LRRC3B: variants seen among roughly 807,000 people sequenced by gnomAD.
LRRC3B encodes the protein leucine rich repeat containing 3B.
Under a neutral mutation model 12.8 loss-of-function variants are expected in LRRC3B, and 2 were observed. That is an observed-to-expected ratio of 0.16 (90% CI 0.06 to 0.49). The LOEUF is 0.49. LRRC3B is among the 20% of genes least tolerant of loss of function. The pLI, the probability that LRRC3B is intolerant of heterozygous loss-of-function variation, is 0.96. For synonymous variants in LRRC3B, 132 were observed against 122.0 expected (o/e 1.08, Z -0.54); for missense variants, 189 against 319.4 (o/e 0.59, Z 3.11).
intron 1 of LRRC3B, among the ~76,000 whole-genome samples, chr3:26,659,121 A>G (rs1380011076): frequency 6.6e-6 from 1 of 152,222 alleles, no homozygotes; most frequent in Admixed American, 6.5e-5. Flanking sequence ...TAACAGCCAT[A>G]TGTATGCTGC....
At chr3:26,653,615 A>G (rs1350275296) in intron 1 of LRRC3B, among the ~76,000 whole-genome samples, 6 of 152,190 alleles carry the variant, frequency 3.9e-5, no homozygotes, top group Non-Finnish European at 8.8e-5. Context: ...CCTTTAAAAA[A>G]CAGTAAGATA....
intron 1 of LRRC3B, among the ~76,000 whole-genome samples, chr3:26,671,348 G>GTGTA (rs1553603716): frequency 1.5e-5 from 1 of 66,344 alleles, no homozygotes; most frequent in Non-Finnish European, 2.7e-5. Context: ...GTATATATGT[G>GTGTA]TGTATATATA....
At chr3:26,685,517 CTCTCTCTA>C (rs1489921335) in intron 1 of LRRC3B, among the ~76,000 whole-genome samples, 90 of 53,494 alleles carry the variant, frequency 1.7e-3, no homozygotes, top group Admixed American at 8.6e-3. Flanking sequence ...CTCTCTCTCT[CTCTCTCTA>C]TATATATATA....
intron 1 of LRRC3B, among the ~76,000 whole-genome samples, chr3:26,653,254 A>G (rs936386900): frequency 2.0e-5 from 3 of 152,196 alleles, no homozygotes; most frequent in African/African-American, 7.2e-5. Flanking sequence ...AATGAAAGGA[A>G]AATGACTTGC....
At chr3:26,665,159 A>C (rs1222837052) in intron 1 of LRRC3B, among the ~76,000 whole-genome samples, 1 of 152,044 alleles carries the variant, frequency 6.6e-6, no homozygotes, top group Admixed American at 6.6e-5. Context: ...TGGGCAGAGC[A>C]TCCACAGCAT....
At chr3:26,690,479 C>T (rs1700167891) in intron 1 of LRRC3B, among the ~76,000 whole-genome samples, 1 of 152,162 alleles carries the variant, frequency 6.6e-6, no homozygotes, top group Non-Finnish European at 1.5e-5. Context: ...AGTCTTACTG[C>T]ATCGTGCAGA....
At chr3:26,709,917 A>C (rs1244259247) in exon 2 of LRRC3B, 1 of 1,613,996 alleles carries the variant, frequency 6.2e-7, no homozygotes, top group African/African-American at 1.3e-5. Flanking sequence ...ATTCCCAATG[A>C]AATTTTTAAG....
chr3:26,683,674 C>T (rs1003532323), intron 1 of LRRC3B, among the ~76,000 whole-genome samples: 4 of 152,190 alleles, frequency 2.6e-5, no homozygotes, highest in African/African-American at 9.7e-5. Flanking sequence ...AGAAATACTA[C>T]TTTCTCAAAG....
chr3:26,640,445 C>T (rs369925441), intron 1 of LRRC3B, among the ~76,000 whole-genome samples: 1 of 132,098 alleles, frequency 7.6e-6, no homozygotes, highest in East Asian at 2.5e-4. Context: ...AAAAAAAACC[C>T]AAAAAACAAA....
At chr3:26,699,178 A>G (rs903788038) in intron 1 of LRRC3B, among the ~76,000 whole-genome samples, 19 of 152,170 alleles carry the variant, frequency 1.2e-4, no homozygotes, top group African/African-American at 4.1e-4. Flanking sequence ...ATTGGCATGA[A>G]TACTGTATGT....
At chr3:26,653,949 A>G (rs1232142256) in intron 1 of LRRC3B, among the ~76,000 whole-genome samples, 1 of 149,476 alleles carries the variant, frequency 6.7e-6, no homozygotes, top group Non-Finnish European at 1.5e-5. Context: ...ACCTGGTGGC[A>G]CCAGATGGCT....
intron 1 of LRRC3B, among the ~76,000 whole-genome samples, chr3:26,641,862 C>T (rs958041330): frequency 6.6e-6 from 1 of 152,158 alleles, no homozygotes; most frequent in Non-Finnish European, 1.5e-5. Flanking sequence ...TTTAGACACT[C>T]AGCAATTACA....
intron 1 of LRRC3B, among the ~76,000 whole-genome samples, chr3:26,630,730 ATGGATGCCTTGAATTCTATTGG>A (rs1409015286): frequency 2.6e-5 from 4 of 152,194 alleles, no homozygotes; most frequent in Admixed American, 6.5e-5. Flanking sequence ...ATGCAAGTTC[ATGGATGCCTTGAATTCTATTGG>A]TGGATGCCTT....
chr3:26,628,461 G>T (rs1022520387), intron 1 of LRRC3B, among the ~76,000 whole-genome samples: 1 of 147,680 alleles, frequency 6.8e-6, no homozygotes, highest in Non-Finnish European at 1.5e-5. Flanking sequence ...GACCTGAGAA[G>T]CTTTACCCTT....
chr3:26,630,372 C>T (rs186315354), intron 1 of LRRC3B, among the ~76,000 whole-genome samples: 1 of 152,280 alleles, frequency 6.6e-6, no homozygotes, highest in Non-Finnish European at 1.5e-5. Context: ...TGTTTAAATG[C>T]ATAAAATATA....
chr3:26,695,546 A>C lies in LRRC3B; in HGVS notation c.-160-13967A>C, dbSNP rs538606856. On this transcript the variant is annotated intron_variant, in intron 1 of 1. Transcript: ENST00000396641. ...CATCTCAAACAAACAAACAAACAAAAAAACTTCTTGATTTTTCTTTTTTGC... is the reference window on the plus strand; with the variant it reads ...CATCTCAAACAAACAAACAAACAAACAAACTTCTTGATTTTTCTTTTTTGC... Among the ~76,000 whole-genome samples the C allele has an allele frequency of 1.8e-4, 21 of 116,024 alleles. No homozygotes were observed. In the South Asian group the frequency reaches 2.3e-3, roughly 13 times the overall value. The allele number at this position is 116,024 out of a possible 152,430, so 76.1% of individuals were successfully genotyped here.
At chr3:26,626,444 C>T (rs1465387427) in intron 1 of LRRC3B, among the ~76,000 whole-genome samples, 1 of 152,166 alleles carries the variant, frequency 6.6e-6, no homozygotes, top group Non-Finnish European at 1.5e-5. Context: ...GATATTATCC[C>T]ACCCAATCCA....
intron 1 of LRRC3B, among the ~76,000 whole-genome samples, chr3:26,680,241 C>T (rs1201215478): frequency 2.6e-5 from 4 of 152,096 alleles, no homozygotes; most frequent in African/African-American, 9.7e-5. Flanking sequence ...ACCTCTCCAC[C>T]CCCACTTCCC....
chr3:26,645,275 A>G (rs1699119302), intron 1 of LRRC3B, among the ~76,000 whole-genome samples: 1 of 152,192 alleles, frequency 6.6e-6, no homozygotes, highest in South Asian at 2.1e-4. Context: ...ACTAAAGAGG[A>G]TGTTTACATT....
Sources: allele counts gnomAD v4.1 joint callset (sites outside exome capture counted in the v4.1 genomes callset), GRCh38; gene constraint gnomAD v4.1.1; transcripts MANE v1.5; gene names NCBI Gene and HGNC (gene_info 2026-07-23, HGNC 2026-07-21).